The following CDH12 variants were observed in gnomAD, a reference collection of about 807,000 sequenced individuals.
CDH12 encodes cadherin-12.
Under a neutral mutation model 74.1 loss-of-function variants are expected in CDH12, and 41 were observed. That is an observed-to-expected ratio of 0.55 (90% CI 0.43 to 0.72). The LOEUF (loss-of-function observed/expected upper bound fraction) is 0.72. Among genes scored for constraint, CDH12 ranks in the 30% least tolerant of loss-of-function variants. The probability of loss-of-function intolerance (pLI) is 0.00; values close to 1 mark genes in which losing one functional copy is unlikely to be tolerated. For synonymous variants in CDH12, 399 were observed against 355.0 expected (o/e 1.12, Z -1.39); for missense variants, 945 against 977.2 (o/e 0.97, Z 0.44).
At chr5:21,767,189 C>A (rs1454640862) in intron 11 of CDH12, among the ~76,000 whole-genome samples, 2 of 151,864 alleles carry the variant, frequency 1.3e-5, no homozygotes, top group Non-Finnish European at 3.0e-5. Flanking sequence ...ATGAGTCCTG[C>A]AGCTACATGA....
At chr5:22,074,493 C>G (rs909197132) in intron 5 of CDH12, among the ~76,000 whole-genome samples, 1 of 152,060 alleles carries the variant, frequency 6.6e-6, no homozygotes, top group Non-Finnish European at 1.5e-5. Context: ...AGCTTCCGCA[C>G]AGCAAAAGAA....
intron 1 of CDH12, among the ~76,000 whole-genome samples, chr5:22,569,708 T>A (rs921482329): frequency 1.3e-5 from 2 of 152,294 alleles, no homozygotes; most frequent in South Asian, 2.1e-4. Flanking sequence ...CCATTAAAGT[T>A]TTACCATGAG....
At chr5:22,383,946 A>T (rs563250780) in intron 3 of CDH12, among the ~76,000 whole-genome samples, 1 of 152,148 alleles carries the variant, frequency 6.6e-6, no homozygotes, top group Admixed American at 6.5e-5. Flanking sequence ...TTAATCATAT[A>T]ATTAGATGGA....
intron 1 of CDH12, among the ~76,000 whole-genome samples, chr5:22,575,685 C>T (rs912251333): frequency 3.9e-5 from 6 of 152,098 alleles, no homozygotes; most frequent in Admixed American, 6.6e-5. Context: ...ATCCCTCAGC[C>T]TCCCAAGTAG....
At chr5:22,443,461 G>C (rs1368973607) in intron 2 of CDH12, among the ~76,000 whole-genome samples, 1 of 152,020 alleles carries the variant, frequency 6.6e-6, no homozygotes, top group Non-Finnish European at 1.5e-5. Context: ...GTAGGTCTTA[G>C]GTAACAGCTG....
At chr5:22,191,120 A>C (rs1465220244) in intron 4 of CDH12, among the ~76,000 whole-genome samples, 2 of 152,002 alleles carry the variant, frequency 1.3e-5, no homozygotes, top group African/African-American at 4.8e-5. Flanking sequence ...CAATCCTAGG[A>C]ATAAACCAAC....
At chr5:22,677,990 T>G (rs1741290433) in intron 1 of CDH12, among the ~76,000 whole-genome samples, 1 of 146,860 alleles carries the variant, frequency 6.8e-6, no homozygotes, top group Non-Finnish European at 1.5e-5. Flanking sequence ...TCCCCAAACT[T>G]GTGACCTCAT....
Position 21,751,769 on chromosome 5 carries a change from C to A in CDH12, c.2353G>T (p.Glu785Ter). The A allele has an allele frequency of 6.2e-7, 1 of 1,613,894 alleles. No individual in the cohort carries two copies. The highest frequency in any genetic ancestry group is 8.5e-7 in the Non-Finnish European group (1 of 1,179,936). The change falls in exon 15 of 15, where the codon GAA (glutamate) becomes TAA (stop). Residue 785 changes from glutamate to a stop codon, truncating the protein, a stop_gained. Transcript: ENST00000382254. LOFTEE classifies it high-confidence loss of function. ...ACTTTATCAGGGTTATAACTCTCTT[C>A]TTCGCCAAACATGTCTGCCAAGACT... The part of the protein sequence containing the change: ...FKVLADMFGE[E>*]ESYNPDKVT
chr5:22,372,241 C>T (rs1446739577), intron 3 of CDH12, among the ~76,000 whole-genome samples: 2 of 152,022 alleles, frequency 1.3e-5, no homozygotes, highest in Admixed American at 1.3e-4. Context: ...GATATTGACA[C>T]ATTGGATAGA....
intron 3 of CDH12, among the ~76,000 whole-genome samples, chr5:22,264,183 T>C (rs1437351421): frequency 6.6e-6 from 1 of 151,996 alleles, no homozygotes; most frequent in Non-Finnish European, 1.5e-5. Flanking sequence ...ATGAACTTAC[T>C]TTACATATAT....
At chr5:22,578,771 C>T (rs1401306876) in intron 1 of CDH12, among the ~76,000 whole-genome samples, 4 of 151,850 alleles carry the variant, frequency 2.6e-5, no homozygotes, top group Non-Finnish European at 5.9e-5. Context: ...AAAAATATTG[C>T]CTGAATATGC....
chr5:22,804,252 A>G (rs1030451353), intron 1 of CDH12, among the ~76,000 whole-genome samples: 2 of 152,154 alleles, frequency 1.3e-5, no homozygotes, highest in African/African-American at 2.4e-5. Context: ...TTGAATTTGG[A>G]TATGTACACT....
At chr5:22,676,026 A>T (rs1018994781) in intron 1 of CDH12, among the ~76,000 whole-genome samples, 2 of 151,514 alleles carry the variant, frequency 1.3e-5, no homozygotes, top group Non-Finnish European at 2.9e-5. Context: ...TATCAAAAGC[A>T]CTGAGAAAAC....
At chr5:21,880,099 G>T (rs1242705284) in intron 6 of CDH12, among the ~76,000 whole-genome samples, 1 of 152,220 alleles carries the variant, frequency 6.6e-6, no homozygotes, top group African/African-American at 2.4e-5. Context: ...CTCAGGGTCA[G>T]TTCCAAGTTA....
At chr5:22,579,787 T>C (rs1274392230) in intron 1 of CDH12, among the ~76,000 whole-genome samples, 1 of 152,216 alleles carries the variant, frequency 6.6e-6, no homozygotes, top group Non-Finnish European at 1.5e-5. Context: ...ATTAATTGTA[T>C]CTTTATGATC....
intron 1 of CDH12, among the ~76,000 whole-genome samples, chr5:22,693,285 G>A (rs1174849002): frequency 6.6e-6 from 1 of 152,122 alleles, no homozygotes; most frequent in Admixed American, 6.6e-5. Flanking sequence ...CGTATTGCAA[G>A]CCATATGCAG....
intron 6 of CDH12, among the ~76,000 whole-genome samples, chr5:21,927,072 T>A (rs1004022811): frequency 7.9e-5 from 12 of 152,204 alleles, no homozygotes; most frequent in Non-Finnish European, 1.5e-4. Flanking sequence ...CAAGTCAGCA[T>A]GGCTGTGTAT....
chr5:22,313,187 G>T (rs1371446587), intron 3 of CDH12, among the ~76,000 whole-genome samples: 4 of 152,148 alleles, frequency 2.6e-5, no homozygotes, highest in Non-Finnish European at 5.9e-5. Context: ...TGAAGTTTTT[G>T]CCCCAAGGGA....
intron 6 of CDH12, among the ~76,000 whole-genome samples, chr5:21,880,988 C>T (rs1267879288): frequency 6.6e-6 from 1 of 151,916 alleles, no homozygotes; most frequent in Non-Finnish European, 1.5e-5. Context: ...ATATTTAATG[C>T]CAGGGCACTT....
Sources: allele counts gnomAD v4.1 joint callset (sites outside exome capture counted in the v4.1 genomes callset), GRCh38; gene constraint gnomAD v4.1.1; transcripts MANE v1.5; gene names NCBI Gene and HGNC (gene_info 2026-07-23, HGNC 2026-07-21).